GALNTL6: variants seen among roughly 807,000 people sequenced by gnomAD.
GALNTL6 encodes polypeptide N-acetylgalactosaminyltransferase-like 6.
Under a neutral mutation model 73.7 loss-of-function variants are expected in GALNTL6, and 46 were observed. The observed-to-expected ratio is 0.62, with a 90% CI of 0.49 to 0.80. The LOEUF (loss-of-function observed/expected upper bound fraction) is 0.80. Ranked by LOEUF, GALNTL6 falls within the 30% of genes least tolerant of loss-of-function variation. The pLI is 0.00. For synonymous variants in GALNTL6, 259 were observed against 263.7 expected (o/e 0.98, Z 0.17); for missense variants, 604 against 755.0 (o/e 0.80, Z 2.34).
chr4:172,044,083 ATCTTAACCAAAACATTCAGATTCTCCATG>A (rs1742156430), intron 2 of GALNTL6, among the ~76,000 whole-genome samples: 1 of 151,892 alleles, frequency 6.6e-6, no homozygotes, highest in East Asian at 1.9e-4. Flanking sequence ...GATCTCTAGG[ATCTTAACCAAAACATTCAGATTCTCCATG>A]CACAAAATTA....
intron 3 of GALNTL6, among the ~76,000 whole-genome samples, chr4:172,241,832 A>G (rs1737443465): frequency 6.6e-6 from 1 of 152,106 alleles, no homozygotes; most frequent in Non-Finnish European, 1.5e-5. Context: ...AACTAGTTTT[A>G]TATTTTGTGA....
intron 2 of GALNTL6, among the ~76,000 whole-genome samples, chr4:172,060,099 G>T (rs1731150482): frequency 6.6e-6 from 1 of 151,946 alleles, no homozygotes. Context: ...TTTCTTCTAA[G>T]GATATCTAAG....
At chr4:172,236,403 T>C (rs1286302956) in intron 3 of GALNTL6, among the ~76,000 whole-genome samples, 2 of 151,582 alleles carry the variant, frequency 1.3e-5, no homozygotes, top group African/African-American at 4.8e-5. Flanking sequence ...ACTAAAAATG[T>C]AAAAAAATTA....
At chr4:173,009,130 T>C (rs753347780) in intron 10 of GALNTL6, 48 bp from the exon 11 acceptor site, 7 of 1,280,232 alleles carry the variant, frequency 5.5e-6, no homozygotes, top group Admixed American at 1.7e-5. Flanking sequence ...GAGCCAATGA[T>C]AAAATACGAC....
chr4:172,849,951 T>G (rs1743725939), intron 7 of GALNTL6, among the ~76,000 whole-genome samples: 2 of 152,172 alleles, frequency 1.3e-5, no homozygotes, highest in South Asian at 4.1e-4. Flanking sequence ...TCACTTAATT[T>G]CTTGCTGGAA....
rs1272696462 is a variant in GALNTL6, at chr4:172,646,777, C to T, written c.554-162584C>T. Among the ~76,000 whole-genome samples, 12 of 152,040 alleles carry T rather than the reference C, an allele frequency of 7.9e-5. No individual in the cohort carries two copies. In the East Asian group the frequency reaches 2.1e-3, roughly 27 times the overall value. ...TCAAGTAAAGCTGTGAAATACTATGCTGATAGCTTCAATCAATCATATTGT... is the reference window on the plus strand; with the variant it reads ...TCAAGTAAAGCTGTGAAATACTATGTTGATAGCTTCAATCAATCATATTGT... On this transcript the variant is annotated intron_variant, in intron 5 of 12. Transcript: ENST00000506823.
At chr4:172,746,266 T>C (rs58411572) in intron 5 of GALNTL6, among the ~76,000 whole-genome samples, 22,255 of 151,828 alleles carry the variant, frequency 0.15, 1,890 homozygotes, top group East Asian at 0.26. Flanking sequence ...AAAGTGAGCG[T>C]TAAGTGAGAT....
At chr4:172,312,267 G>C (rs1001280584) in intron 4 of GALNTL6, among the ~76,000 whole-genome samples, 1 of 151,876 alleles carries the variant, frequency 6.6e-6, no homozygotes, top group East Asian at 1.9e-4. Context: ...CTTGTGGCTT[G>C]TCTGTTGACA....
At chr4:172,620,462 G>C (rs536405022) in intron 5 of GALNTL6, among the ~76,000 whole-genome samples, 1 of 152,098 alleles carries the variant, frequency 6.6e-6, no homozygotes, top group Non-Finnish European at 1.5e-5. Flanking sequence ...GATTATAAAT[G>C]TTATTGCTAT....
intron 5 of GALNTL6, among the ~76,000 whole-genome samples, chr4:172,748,363 T>C (rs4608790): frequency 0.45 from 68,087 of 151,866 alleles, 17,650 homozygotes; most frequent in East Asian, 0.68. Flanking sequence ...GTTCACATCT[T>C]TGGATATGGG....
chr4:171,951,671 A>ATCT (rs1738886737), intron 2 of GALNTL6, among the ~76,000 whole-genome samples: 1 of 152,104 alleles, frequency 6.6e-6, no homozygotes, highest in Admixed American at 6.5e-5. Flanking sequence ...AATAGATAAT[A>ATCT]TCTTTCAGAA....
intron 2 of GALNTL6, among the ~76,000 whole-genome samples, chr4:172,229,205 TAGTG>T (rs1296671322): frequency 1.3e-5 from 2 of 152,206 alleles, no homozygotes; most frequent in African/African-American, 4.8e-5. Flanking sequence ...ACCTGGCACA[TAGTG>T]AGCATTCAAT....
chr4:172,628,004 G>C (rs1210140421), intron 5 of GALNTL6, among the ~76,000 whole-genome samples: 2 of 151,620 alleles, frequency 1.3e-5, no homozygotes, highest in Non-Finnish European at 2.9e-5. Flanking sequence ...ATTTCTCTCA[G>C]TTCTGCTCTG....
At chr4:172,794,986 G>C (rs148501883) in intron 5 of GALNTL6, among the ~76,000 whole-genome samples, 3 of 152,110 alleles carry the variant, frequency 2.0e-5, no homozygotes, top group Non-Finnish European at 4.4e-5. Flanking sequence ...AGAACATCTC[G>C]AATGAATGAA....
intron 7 of GALNTL6, among the ~76,000 whole-genome samples, chr4:172,820,425 A>C (rs1011326830): frequency 1.8e-4 from 27 of 152,136 alleles, no homozygotes; most frequent in African/African-American, 6.5e-4. Flanking sequence ...TTTACACAAA[A>C]CTCTTTCCAC....
At chr4:172,382,084 C>T (rs1243239809) in intron 5 of GALNTL6, among the ~76,000 whole-genome samples, 1 of 152,200 alleles carries the variant, frequency 6.6e-6, no homozygotes, top group Non-Finnish European at 1.5e-5. Flanking sequence ...ATTCTCCTGC[C>T]TCAGGCTCCC....
At chr4:172,611,341 A>G (rs1325366714) in intron 5 of GALNTL6, among the ~76,000 whole-genome samples, 3 of 151,948 alleles carry the variant, frequency 2.0e-5, no homozygotes, top group African/African-American at 7.2e-5. Flanking sequence ...CACAGTTAGC[A>G]TTACCTTAAG....
intron 7 of GALNTL6, among the ~76,000 whole-genome samples, chr4:172,833,455 C>G (rs925245374): frequency 1.3e-5 from 2 of 152,154 alleles, no homozygotes; most frequent in African/African-American, 4.8e-5. Context: ...AATAAGGCAA[C>G]TGGAATAGGT....
intron 8 of GALNTL6, among the ~76,000 whole-genome samples, chr4:172,927,210 T>C (rs1446977094): frequency 6.6e-6 from 1 of 152,202 alleles, no homozygotes; most frequent in Non-Finnish European, 1.5e-5. Flanking sequence ...CCAGAGGTGA[T>C]GCACATCACT....
Sources: gnomAD v4.1 joint callset for allele counts (sites outside exome capture counted in the v4.1 genomes callset) on GRCh38, gnomAD v4.1.1 for gene constraint, MANE v1.5 for transcripts, NCBI Gene and HGNC (gene_info 2026-07-23, HGNC 2026-07-21) for gene names.